The following PAM variants were observed in gnomAD, a reference collection of about 807,000 sequenced individuals.
PAM encodes the protein peptidylglycine alpha-amidating monooxygenase, also known as peptidyl-glycine alpha-amidating monooxygenase.
PAM carries 72 observed loss-of-function variants against 122.1 expected under a neutral mutation model. The observed-to-expected ratio is 0.59, with a 90% CI of 0.49 to 0.72. PAM has a LOEUF of 0.72. Ranked by LOEUF, PAM falls within the 30% of genes least tolerant of loss-of-function variation. The pLI is 0.00. For synonymous variants in PAM, 389 were observed against 404.4 expected, an observed-to-expected ratio of 0.96 and a Z score of 0.46; for missense variants, 1,106 against 1,183.7, an observed-to-expected ratio of 0.93 and a Z score of 0.96.
At chr5:102,759,616 A>G (rs1349835911) in intron 1 of PAM, among the ~76,000 whole-genome samples, 1 of 152,208 alleles carries the variant, frequency 6.6e-6, no homozygotes, top group East Asian at 1.9e-4. Context: ...TTTAAAAACT[A>G]TTCTGTGGGC....
chr5:102,835,924 A>G (rs963165267), intron 1 of PAM, among the ~76,000 whole-genome samples: 4 of 152,200 alleles, frequency 2.6e-5, no homozygotes, highest in Non-Finnish European at 5.9e-5. Context: ...GAAATATATC[A>G]TGTAACAGCT....
intron 1 of PAM, among the ~76,000 whole-genome samples, chr5:102,790,184 A>G (rs1338190986): frequency 6.6e-6 from 1 of 152,114 alleles, no homozygotes; most frequent in Non-Finnish European, 1.5e-5. Context: ...ATGCTCAGTG[A>G]ACAGATAGAA....
At chr5:102,861,094 T>A (rs934260875) in intron 1 of PAM, among the ~76,000 whole-genome samples, 1 of 152,186 alleles carries the variant, frequency 6.6e-6, no homozygotes, top group Non-Finnish European at 1.5e-5. Context: ...GAGGACATGT[T>A]TTTTTGCCAA....
At chr5:102,836,529 A>G (rs1348614358) in intron 1 of PAM, among the ~76,000 whole-genome samples, 1 of 152,118 alleles carries the variant, frequency 6.6e-6, no homozygotes, top group East Asian at 1.9e-4. Flanking sequence ...CTGAGTCCAG[A>G]TGAAACATTG....
chr5:102,816,008 G>A (rs1266395691), intron 1 of PAM, among the ~76,000 whole-genome samples: 2 of 151,984 alleles, frequency 1.3e-5, no homozygotes, highest in Non-Finnish European at 2.9e-5. Flanking sequence ...AAGAAATGTT[G>A]GGTTTAGCGG....
At chr5:102,872,405 C>G (rs1787829422) in intron 3 of PAM, among the ~76,000 whole-genome samples, 1 of 152,176 alleles carries the variant, frequency 6.6e-6, no homozygotes, top group Admixed American at 6.5e-5. Context: ...CAAAATACTC[C>G]TACAAAATGT....
At chr5:102,935,182 G>C (rs1273493502) in intron 7 of PAM, among the ~76,000 whole-genome samples, 1 of 151,852 alleles carries the variant, frequency 6.6e-6, no homozygotes, top group Non-Finnish European at 1.5e-5. Context: ...TATTGCTTAT[G>C]TCTGCCAACT....
intron 4 of PAM, among the ~76,000 whole-genome samples, chr5:102,908,911 C>T (rs1800530382): frequency 6.6e-6 from 1 of 151,556 alleles, no homozygotes; most frequent in Non-Finnish European, 1.5e-5. Context: ...GTGAGCTTTA[C>T]ATTTCTCTGT....
At chr5:102,990,992 A>G (rs11955683) in intron 16 of PAM, among the ~76,000 whole-genome samples, 50,930 of 152,024 alleles carry the variant, frequency 0.34, 8,734 homozygotes, top group East Asian at 0.44. Flanking sequence ...CTCTAGGACT[A>G]TCTATTACTC....
Position 102,774,693 on chromosome 5 carries a change from A to G in PAM, c.-374+19345A>G, listed in dbSNP as rs149483719. On this transcript the variant is annotated intron_variant, in intron 1 of 25. Coordinates refer to ENST00000438793, the MANE Select transcript of PAM (RefSeq NM_001177306.2). ...TGTGACTTCTGTATTCATATGTGTT[A>G]TTTGTTCTTTACGTATTGATACATG... Among the ~76,000 whole-genome samples, 75 of 152,092 alleles carry G rather than the reference A, an allele frequency of 4.9e-4. No homozygotes were observed. The East Asian group carries it at 9.5e-3, about 19-fold the overall frequency.
At chr5:102,818,562 T>A (rs1042573635) in intron 1 of PAM, among the ~76,000 whole-genome samples, 3 of 152,230 alleles carry the variant, frequency 2.0e-5, no homozygotes, top group South Asian at 2.1e-4. Flanking sequence ...GGAAGCATTA[T>A]GAACTGTCAT....
chr5:103,018,134 A>T (rs903835362), intron 22 of PAM, among the ~76,000 whole-genome samples: 1 of 152,196 alleles, frequency 6.6e-6, no homozygotes, highest in African/African-American at 2.4e-5. Flanking sequence ...AACAACTTCA[A>T]TGTCCAGAAA....
At chr5:102,946,797 T>G (rs1310430783) in intron 7 of PAM, 40 bp from the exon 8 acceptor site, 2 of 1,266,720 alleles carry the variant, frequency 1.6e-6, no homozygotes. Flanking sequence ...ATTTTCTACA[T>G]TATCATATTT....
chr5:102,813,190 A>G (rs1439190135), intron 1 of PAM, among the ~76,000 whole-genome samples: 1 of 152,190 alleles, frequency 6.6e-6, no homozygotes, highest in Non-Finnish European at 1.5e-5. Flanking sequence ...TTTGTTAAAA[A>G]TTATCTTTAA....
chr5:102,918,751 T>C (rs1469280605), intron 5 of PAM, among the ~76,000 whole-genome samples: 1 of 152,032 alleles, frequency 6.6e-6, no homozygotes, highest in Non-Finnish European at 1.5e-5. Flanking sequence ...TTTTTAAATA[T>C]GAGATTGTAG....
At chr5:102,824,932 C>G (rs1487925686) in intron 1 of PAM, among the ~76,000 whole-genome samples, 1 of 152,188 alleles carries the variant, frequency 6.6e-6, no homozygotes, top group Non-Finnish European at 1.5e-5. Context: ...TTTAGAGACC[C>G]TGCAAGATTT....
chr5:102,782,986 G>A (rs1197844177), intron 1 of PAM, among the ~76,000 whole-genome samples: 2 of 151,768 alleles, frequency 1.3e-5, no homozygotes, highest in African/African-American at 4.8e-5. Flanking sequence ...CTTTGAAGAT[G>A]GAAACTTGGC....
At chr5:102,811,755 T>C (rs943251585) in intron 1 of PAM, among the ~76,000 whole-genome samples, 1 of 152,224 alleles carries the variant, frequency 6.6e-6, no homozygotes, top group African/African-American at 2.4e-5. Context: ...CAATAGAGAC[T>C]ATGAAACTTT....
chr5:102,757,858 G>C (rs988467709), intron 1 of PAM, among the ~76,000 whole-genome samples: 1 of 151,428 alleles, frequency 6.6e-6, no homozygotes. Context: ...AACATAGTGA[G>C]ACCTTCTCTC....
Sources: allele counts gnomAD v4.1 joint callset (sites outside exome capture counted in the v4.1 genomes callset), GRCh38; gene constraint gnomAD v4.1.1; transcripts MANE v1.5; gene names NCBI Gene and HGNC (gene_info 2026-07-23, HGNC 2026-07-21).